PAXIP1: variants seen among roughly 807,000 people sequenced by gnomAD.
The protein encoded by PAXIP1 is PAX interacting protein 1, also known as PAX-interacting protein 1.
Under a neutral mutation model 140.6 loss-of-function variants are expected in PAXIP1, and 19 were observed. That is an observed-to-expected ratio of 0.14 (90% CI 0.09 to 0.20). The LOEUF is 0.20. PAXIP1 is among the 10% of genes least tolerant of loss of function. The probability of loss-of-function intolerance (pLI) is 1.00; values close to 1 mark genes in which losing one functional copy is unlikely to be tolerated. For missense variants in PAXIP1, 920 were observed against 1,208.6 expected (o/e 0.76, Z 3.54); for synonymous variants, 442 against 444.6 (o/e 0.99, Z 0.07).
upstream of PAXIP1, chr7:155,003,346 G>C (rs1811028624): frequency 6.6e-6 from 1 of 152,028 alleles, no homozygotes; most frequent in Non-Finnish European, 1.5e-5. Context: ...TCCCCCCTCG[G>C]CGGGGCCGGA....
In PAXIP1 at chr7:154,986,215, C is replaced by A. The variant is rs958955962; in HGVS notation, c.325-2883G>T. 6.8e-6 allele frequency: 9 copies of A among 1,332,690 alleles called. No homozygotes were observed. Among genetic ancestry groups the A allele is most frequent in the Non-Finnish European group, 8.9e-6 (9 of 1,007,384 alleles). 82.6% of individuals were successfully genotyped at this position (1,332,690 alleles called of 1,614,324 possible). ...AAAGACAGAAGGTCACTGAGAACCA[C>A]CAAGAAACAGTCCTTTTGTAAAGCT... is the stretch of plus-strand genomic sequence containing the variant. On this transcript the variant is annotated intron_variant, in intron 4 of 20. Coordinates refer to ENST00000404141, the MANE Select transcript of PAXIP1 (RefSeq NM_007349.4). The surrounding 1 kb of genome is among the most constrained non-coding windows in gnomAD (Gnocchi z 4.8).
intron 1 of PAXIP1, chr7:155,001,158 T>C (rs555698433): frequency 2.0e-5 from 3 of 152,328 alleles, no homozygotes; most frequent in Non-Finnish European, 2.9e-5. Context: ...TCAGAAAATA[T>C]ACTGTTTCAG....
intron 2 of PAXIP1, among the ~76,000 whole-genome samples, chr7:154,997,670 G>C (rs996432582): frequency 6.6e-6 from 1 of 152,168 alleles, no homozygotes; most frequent in African/African-American, 2.4e-5. Flanking sequence ...ACATAATACA[G>C]TAGGTGGATA....
intron 4 of PAXIP1, among the ~76,000 whole-genome samples, chr7:154,990,037 CTTTTTTTT>C (rs749788206): frequency 9.1e-6 from 1 of 109,948 alleles, no homozygotes; most frequent in Admixed American, 1.1e-4. Flanking sequence ...ATAAGTTTCT[CTTTTTTTT>C]TTTTTTTTTT....
chr7:154,977,795 A>G (rs1252894154), intron 5 of PAXIP1, among the ~76,000 whole-genome samples: 2 of 151,902 alleles, frequency 1.3e-5, no homozygotes, highest in Non-Finnish European at 2.9e-5. Flanking sequence ...ATATAGTCAT[A>G]GTGAACAAAT....
chr7:154,948,370 A>G, intron 16 of PAXIP1: 1 of 209,310 alleles, frequency 4.8e-6, no homozygotes, highest in Non-Finnish European at 9.8e-6. Context: ...ACACAGTGAG[A>G]CTTCATCTCT....
At chr7:155,001,927 G>A (rs1317888753) in intron 1 of PAXIP1, 1 of 152,278 alleles carries the variant, frequency 6.6e-6, no homozygotes, top group African/African-American at 2.4e-5. Flanking sequence ...CGAAATATGA[G>A]TCTCCGCCCT....
Position 154,947,917 on chromosome 7 carries a change from A to T in PAXIP1, c.2908T>A (p.Ser970Thr), listed in dbSNP as rs1808073248. ...TTAAAGTGTACCTTAAAGAGTGGAG[A>T]AACGTGTGCCCGTTTTAAGGATTCT... ...LEESLKRAHV[S>T]PLFKAKYFYI... Residue 970 changes from serine (S) to threonine (T), a missense_variant, in exon 17 of 21, where the codon TCT (serine) becomes ACT (threonine). By Grantham distance (58) the Ser-to-Thr change is moderately conservative (BLOSUM62 1). Coordinates refer to ENST00000404141, the MANE Select transcript of PAXIP1 (RefSeq NM_007349.4). 6.2e-7 allele frequency: 1 copy of T among 1,609,678 alleles called. No individual in the cohort carries two copies. Among genetic ancestry groups the T allele is most frequent in the Admixed American group, 1.7e-5 (1 of 59,996 alleles).
intron 5 of PAXIP1, among the ~76,000 whole-genome samples, chr7:154,980,421 C>T (rs899375808): frequency 6.6e-6 from 1 of 151,864 alleles, no homozygotes; most frequent in African/African-American, 2.4e-5. Context: ...ATACAAATAT[C>T]TTTTATTTTT....
chr7:154,955,148 T>C (rs1231605295), intron 15 of PAXIP1, among the ~76,000 whole-genome samples: 1 of 152,214 alleles, frequency 6.6e-6, no homozygotes, highest in Non-Finnish European at 1.5e-5. Flanking sequence ...GGCCTCACTC[T>C]ACCCAAGAAA....
chr7:154,954,381 T>G lies in PAXIP1; in HGVS notation c.2695A>C (p.Lys899Gln). The change falls in exon 16 of 21, where the codon AAG (lysine) becomes CAG (glutamine). Residue 899 changes from lysine (K) to glutamine (Q), a missense_variant. Around this residue, in one of 5 missense-constraint regions of PAXIP1, gnomAD observed 303 missense variants for 517.9 expected, o/e 0.59. Coordinates refer to ENST00000404141, the MANE Select transcript of PAXIP1 (RefSeq NM_007349.4). The surrounding 1 kb of genome is among the most constrained non-coding windows in gnomAD (Gnocchi z 5.1). The stretch of plus-strand genomic sequence containing the variant: ...TTGCTGGCAATGAGGTGTGTGCACT[T>G]CTGTGCAGACTCCGCAACCTCTCCA... ...LGGEVAESAQ[K>Q]CTHLIASKVT... 6.2e-7 allele frequency: 1 copy of G among 1,600,196 alleles called. No homozygotes were observed. Among genetic ancestry groups the G allele is most frequent in the Non-Finnish European group, 8.5e-7 (1 of 1,170,028 alleles).
chr7:154,988,133 T>C (rs1810159149), intron 4 of PAXIP1, among the ~76,000 whole-genome samples: 1 of 152,216 alleles, frequency 6.6e-6, no homozygotes, highest in South Asian at 2.1e-4. Context: ...TGCCTGACCA[T>C]TTTTTCTTCT....
At chr7:154,983,806 A>G (rs1214079511) in intron 4 of PAXIP1, 2 of 153,892 alleles carry the variant, frequency 1.3e-5, no homozygotes, top group African/African-American at 4.8e-5. Flanking sequence ...AAAAATAAAG[A>G]TAAAAATATG....
intron 2 of PAXIP1, 59 bp downstream of exon 2, chr7:154,998,591 A>G (rs1438846675): frequency 2.2e-6 from 3 of 1,346,546 alleles, no homozygotes; most frequent in African/African-American, 1.4e-5. Flanking sequence ...TGAAACTTCA[A>G]TGTACTGCTT....
intron 16 of PAXIP1, chr7:154,950,495 A>C (rs1168812009): frequency 1.3e-5 from 2 of 152,278 alleles, no homozygotes; most frequent in Middle Eastern, 3.2e-3. Flanking sequence ...GCTGAGGAGG[A>C]TGTGGAGCAA....
chr7:154,975,095 T>A lies in PAXIP1; in HGVS notation c.1074+601A>T, dbSNP rs184257426. Among the ~76,000 whole-genome samples, 131 of 148,810 alleles carry A rather than the reference T, an allele frequency of 8.8e-4. 3 individuals are homozygous for A. The highest frequency in any genetic ancestry group is 1.0e-4 in the Non-Finnish European group (7 of 67,570). ...TCATTTGAACCCGGGAGGTGGAGGTTGCAGTGCGCAGAGATCATGCAACTG... is the reference window on the plus strand; with the variant it reads ...TCATTTGAACCCGGGAGGTGGAGGTAGCAGTGCGCAGAGATCATGCAACTG... On this transcript the variant is annotated intron_variant, in intron 6 of 20. Transcript: ENST00000404141.
chr7:154,954,269 C>A lies in PAXIP1; in HGVS notation c.2807G>T (p.Cys936Phe). 1 of 1,556,614 alleles carries A rather than the reference C, an allele frequency of 6.4e-7. No homozygotes were observed. Among genetic ancestry groups the A allele is most frequent in the South Asian group, 1.2e-5 (1 of 85,614 alleles). The change falls in exon 16 of 21, where the codon TGT becomes TTT. Residue 936 changes from cysteine (C) to phenylalanine (F), a missense_variant. Physicochemically the swap from Cys to Phe is radical, Grantham distance 205. Transcript: ENST00000404141. The surrounding 1 kb of genome is among the most constrained non-coding windows in gnomAD (Gnocchi z 5.1). ...TPEWLEECFR[C>F]QKFIDEQNYI... ...CTGCTCCTTACCAATGAACTTCTGA[C>A]ACCTGAAGCATTCTTCCAGCCACTC...
In PAXIP1 at chr7:154,973,033, C is replaced by G. The variant is rs1809403212; in HGVS notation, c.1074+2663G>C. The stretch of plus-strand genomic sequence containing the variant: ...CTGCCTGGACGCGGATGTGCAGGGA[C>G]CAGGGCCGGCACCCTCAGCATTGGG... On this transcript the variant is annotated intron_variant, in intron 6 of 20. Transcript: ENST00000404141. The surrounding 1 kb of genome is among the most constrained non-coding windows in gnomAD (Gnocchi z 4.0). Among the ~76,000 whole-genome samples the G allele has an allele frequency of 6.6e-6, 1 of 152,246 alleles. No homozygotes were observed. The highest frequency in any genetic ancestry group is 2.4e-5 in the African/African-American group (1 of 41,468).
chr7:154,956,224 G>T lies in PAXIP1; in HGVS notation c.2550-593C>A, dbSNP rs978924642. Among the ~76,000 whole-genome samples the T allele has an allele frequency of 3.9e-5, 6 of 151,916 alleles. No homozygotes were observed. The highest frequency in any genetic ancestry group is 3.8e-4 in the East Asian group (2 of 5,196). On this transcript the variant is annotated intron_variant, in intron 14 of 20. Transcript: ENST00000404141. This position sits in a 1 kb window ranked among gnomAD's most constrained non-coding sequence, Gnocchi z 4.2. ...TGAATTTTTTAGGTCTTTTTTTCAG[G>T]TTATTATTTTCTGAGACAGTCCAAT...
Sources: allele counts gnomAD v4.1 joint callset (sites outside exome capture counted in the v4.1 genomes callset), GRCh38; gene constraint gnomAD v4.1.1; regional missense constraint gnomAD v4.1.1; non-coding constraint Gnocchi (gnomAD v3.1); transcripts MANE v1.5; gene names NCBI Gene and HGNC (gene_info 2026-07-23, HGNC 2026-07-21).